Variants in STEAP3 observed in about 807,000 individuals in gnomAD.
The protein encoded by STEAP3 is STEAP3 metalloreductase, also known as metalloreductase STEAP3.
Under a neutral mutation model 34.9 loss-of-function variants are expected in STEAP3, and 35 were observed. The ratio of observed to expected loss-of-function variants is 1.00; its 90% CI spans 0.76 to 1.33. The LOEUF is 1.33. Ranked by LOEUF, STEAP3 falls within the 40% of genes most tolerant of loss-of-function variation. The pLI, the probability that STEAP3 is intolerant of heterozygous loss-of-function variation, is 0.00. For missense variants in STEAP3, 652 were observed against 667.6 expected (o/e 0.98, Z 0.26); for synonymous variants, 281 against 301.6 (o/e 0.93, Z 0.71).
chr2:119,235,887 GCCCAGTGCCGACCCCAGTGC>G (rs1677080524), intron 2 of STEAP3, among the ~76,000 whole-genome samples: 1 of 152,178 alleles, frequency 6.6e-6, no homozygotes, highest in South Asian at 2.1e-4. Context: ...GGCTCAAGGA[GCCCAGTGCCGACCCCAGTGC>G]CCCAGTGCCC....
At chr2:119,254,395 C>T (rs1677713642) in intron 4 of STEAP3, among the ~76,000 whole-genome samples, 1 of 152,100 alleles carries the variant, frequency 6.6e-6, no homozygotes, top group African/African-American at 2.4e-5. Flanking sequence ...CTGAGTGGGT[C>T]CTGATCCCAG....
chr2:119,258,545 G>A (rs941798160), intron 5 of STEAP3, among the ~76,000 whole-genome samples: 7 of 140,364 alleles, frequency 5.0e-5, no homozygotes, highest in African/African-American at 1.6e-4. Flanking sequence ...TTATCCTTTT[G>A]TTCCCAAATC....
intron 5 of STEAP3, among the ~76,000 whole-genome samples, chr2:119,260,500 C>T (rs1309703495): frequency 3.3e-5 from 5 of 151,976 alleles, no homozygotes; most frequent in Admixed American, 6.6e-5. Context: ...TTATCCATGT[C>T]GGTCAGGCTG....
chr2:119,229,184 C>G (rs1679139652), intron 1 of STEAP3, among the ~76,000 whole-genome samples: 1 of 152,204 alleles, frequency 6.6e-6, no homozygotes, highest in African/African-American at 2.4e-5. Context: ...AGGTGTCCAC[C>G]TAGGCTGGAG....
intron 4 of STEAP3, among the ~76,000 whole-genome samples, chr2:119,250,555 G>A (rs959564650): frequency 6.6e-6 from 1 of 152,202 alleles, no homozygotes; most frequent in South Asian, 2.1e-4. Flanking sequence ...TTGCTGCCCA[G>A]GACGGGGCAG....
intron 2 of STEAP3, among the ~76,000 whole-genome samples, chr2:119,243,468 C>G (rs1677310782): frequency 6.6e-6 from 1 of 152,184 alleles, no homozygotes; most frequent in African/African-American, 2.4e-5. Context: ...CTGCCTGAAA[C>G]AAGTTCCTGA....
intron 5 of STEAP3, among the ~76,000 whole-genome samples, chr2:119,256,868 G>A (rs546275731): frequency 4.2e-4 from 64 of 152,202 alleles, no homozygotes; most frequent in Non-Finnish European, 8.7e-4. Flanking sequence ...CCTGAAAAAT[G>A]GAGTTAATGC....
At chr2:119,229,409 G>C (rs1182214707) in intron 1 of STEAP3, among the ~76,000 whole-genome samples, 1 of 152,326 alleles carries the variant, frequency 6.6e-6, no homozygotes, top group South Asian at 2.1e-4. Context: ...GCTGACCATA[G>C]AGCACCCAGA....
intron 5 of STEAP3, among the ~76,000 whole-genome samples, chr2:119,258,184 C>T (rs548587044): frequency 2.0e-5 from 3 of 152,180 alleles, no homozygotes; most frequent in South Asian, 2.1e-4. Flanking sequence ...ACTGACATGG[C>T]GCTAGTGGGA....
intron 4 of STEAP3, among the ~76,000 whole-genome samples, chr2:119,254,200 G>A (rs1289939175): frequency 1.3e-5 from 2 of 151,810 alleles, no homozygotes; most frequent in Non-Finnish European, 1.5e-5. Flanking sequence ...TGGCTGAGGG[G>A]ATTCAGAGCT....
intron 4 of STEAP3, among the ~76,000 whole-genome samples, chr2:119,254,283 G>A (rs1193960604): frequency 2.0e-5 from 3 of 152,078 alleles, no homozygotes; most frequent in East Asian, 1.9e-4. Flanking sequence ...CTTAAGGGCT[G>A]TATTTCTGGT....
rs749078660 is a variant in STEAP3, at chr2:119,245,994, T to C, written c.522+6T>C. 1 of 1,608,234 alleles carries C rather than the reference T, an allele frequency of 6.2e-7. No individual in the cohort carries two copies. Among genetic ancestry groups the C allele is most frequent in the Non-Finnish European group, 8.5e-7 (1 of 1,176,400 alleles). On this transcript the variant is annotated splice_donor_region_variant and intron_variant, in intron 3 of 5. Coordinates refer to ENST00000393110, the MANE Select transcript of STEAP3 (RefSeq NM_182915.3). ...CAAGGGATGGTAACAGGCAGGTAGG[T>C]TCTGGGGGAATAATACCCATCGTAA...
chr2:119,257,448 A>G (rs997960822), intron 5 of STEAP3: 2 of 1,509,784 alleles, frequency 1.3e-6, no homozygotes, highest in African/African-American at 1.4e-5. Context: ...ATAGGTGCGC[A>G]TGCCGCAGTG....
At chr2:119,225,791 A>T (rs1015440231) in intron 1 of STEAP3, among the ~76,000 whole-genome samples, 1 of 152,242 alleles carries the variant, frequency 6.6e-6, no homozygotes, top group African/African-American at 2.4e-5. Flanking sequence ...ACCCCGTAAC[A>T]TGAAGCCCTC....
At chr2:119,233,175 T>C (rs949982339) in intron 2 of STEAP3, among the ~76,000 whole-genome samples, 3 of 152,180 alleles carry the variant, frequency 2.0e-5, no homozygotes, top group African/African-American at 7.2e-5. Flanking sequence ...TGCCATGCCC[T>C]GGCCCAGGAG....
chr2:119,245,570 C>G lies in STEAP3; in HGVS notation c.104C>G (p.Pro35Arg). ...VDSDSSLAKV[P>R]DEAPKVGILG... ...AGCGATAGTAGCCTTGCCAAGGTCC[C>G]CGATGAGGCCCCCAAAGTGGGCATC... is the stretch of plus-strand genomic sequence containing the variant. Residue 35 changes from proline to arginine, a missense_variant, in exon 3 of 6, where the codon CCC becomes CGC. Pro to Arg is a moderately radical substitution (Grantham distance 103). Transcript: ENST00000393110. 6.2e-7 allele frequency: 1 copy of G among 1,606,020 alleles called. No homozygotes were observed. Among genetic ancestry groups the G allele is most frequent in the Non-Finnish European group, 8.5e-7 (1 of 1,173,330 alleles).
intron 5 of STEAP3, among the ~76,000 whole-genome samples, chr2:119,262,263 T>C (rs1289564990): frequency 6.6e-6 from 1 of 152,188 alleles, no homozygotes; most frequent in Admixed American, 6.5e-5. Context: ...TGTGAAATTA[T>C]GATTTTGGTA....
chr2:119,254,954 C>T (rs1282718475), intron 5 of STEAP3, 106 bp downstream of exon 5: 10 of 1,376,984 alleles, frequency 7.3e-6, no homozygotes, highest in East Asian at 2.5e-5. Context: ...ATCATCTGCA[C>T]AGCAGGACCA....
chr2:119,244,689 G>A (rs1432866810), intron 2 of STEAP3: 1 of 152,084 alleles, frequency 6.6e-6, no homozygotes, highest in Non-Finnish European at 1.5e-5. Context: ...TTAGAAGTTG[G>A]TGACAATTAA....
Sources: gnomAD v4.1 joint callset for allele counts (sites outside exome capture counted in the v4.1 genomes callset) on GRCh38, gnomAD v4.1.1 for gene constraint, MANE v1.5 for transcripts, NCBI Gene and HGNC (gene_info 2026-07-23, HGNC 2026-07-21) for gene names.